RIMS1: variants seen among roughly 807,000 people sequenced by gnomAD.
RIMS1 encodes regulating synaptic membrane exocytosis protein 1.
RIMS1 carries 83 observed loss-of-function variants against 214.1 expected under a neutral mutation model. That is an observed-to-expected ratio of 0.39 (90% CI 0.32 to 0.47). The LOEUF is 0.47. Ranked by LOEUF, RIMS1 falls within the 20% of genes least tolerant of loss-of-function variation. The pLI is 0.99. For missense variants in RIMS1, 2,050 were observed against 2,161.8 expected (o/e 0.95, Z 1.03); for synonymous variants, 793 against 786.8 (o/e 1.01, Z -0.13).
At chr6:72,306,046 G>A (rs1314823218) in intron 26 of RIMS1, among the ~76,000 whole-genome samples, 1 of 151,992 alleles carries the variant, frequency 6.6e-6, no homozygotes, top group African/African-American at 2.4e-5. Context: ...TTATAATCAA[G>A]GATGATAGGC....
intron 29 of RIMS1, 47 bp from the exon 30 acceptor site, chr6:72,390,551 A>C (rs370593812): frequency 6.4e-7 from 1 of 1,552,946 alleles, no homozygotes; most frequent in African/African-American, 1.4e-5. Context: ...ATTCAGGAGT[A>C]AACTGTCTAA....
intron 29 of RIMS1, among the ~76,000 whole-genome samples, chr6:72,384,523 GA>G (rs2098551861): frequency 6.6e-6 from 1 of 152,014 alleles, no homozygotes; most frequent in African/African-American, 2.4e-5. Flanking sequence ...TACTTCTTCT[GA>G]TTTCTGTACC....
chr6:72,155,413 C>A (rs2044305537), intron 4 of RIMS1, among the ~76,000 whole-genome samples: 1 of 140,622 alleles, frequency 7.1e-6, no homozygotes, highest in African/African-American at 2.5e-5. Context: ...TCCTGTTACC[C>A]AGTTCCAAAG....
At chr6:72,171,347 C>T (rs1483941065) in intron 4 of RIMS1, among the ~76,000 whole-genome samples, 1 of 149,164 alleles carries the variant, frequency 6.7e-6, no homozygotes, top group African/African-American at 2.5e-5. Flanking sequence ...ATATATATTA[C>T]GTGTGTGTGT....
intron 1 of RIMS1, among the ~76,000 whole-genome samples, chr6:71,906,230 A>G (rs936681486): frequency 7.2e-5 from 11 of 152,172 alleles, no homozygotes; most frequent in African/African-American, 2.4e-4. Flanking sequence ...TTTAAGTCTA[A>G]TATGTGGGCC....
chr6:72,319,970 A>G (rs1023780656), intron 28 of RIMS1, among the ~76,000 whole-genome samples: 1 of 152,176 alleles, frequency 6.6e-6, no homozygotes, highest in Non-Finnish European at 1.5e-5. Context: ...CATACATGGT[A>G]TGAAGTATTA....
chr6:72,299,341 T>G (rs1324292119), intron 26 of RIMS1, among the ~76,000 whole-genome samples: 1 of 151,966 alleles, frequency 6.6e-6, no homozygotes, highest in Non-Finnish European at 1.5e-5. Context: ...CATAATAGTG[T>G]GTAATTTATA....
intron 2 of RIMS1, among the ~76,000 whole-genome samples, chr6:72,089,645 T>G (rs146874780): frequency 0.015 from 2,296 of 151,834 alleles, 60 homozygotes; most frequent in African/African-American, 0.051. Flanking sequence ...GAAATACCAT[T>G]TGACCCAGCC....
At position 72,233,756 on chromosome 6, in the gene RIMS1, CTT is replaced by C. The variant is rs1407525888; in HGVS notation, c.1679-13_1679-12del. The stretch of plus-strand genomic sequence containing the variant: ...CTTTAATACCATTACACTTTTCATT[CTT>C]TTTGTATTGCACAGGTGATTTGGAT... On this transcript the variant is annotated splice_polypyrimidine_tract_variant and intron_variant, in intron 6 of 33. Coordinates refer to ENST00000521978, the MANE Select transcript of RIMS1 (RefSeq NM_014989.7). 6.5e-7 allele frequency: 1 copy of C among 1,544,658 alleles called. No individual in the cohort carries two copies. The highest frequency in any genetic ancestry group is 1.9e-5 in the Admixed American group (1 of 52,096).
intron 27 of RIMS1, among the ~76,000 whole-genome samples, chr6:72,308,564 T>G (rs947889566): frequency 6.6e-6 from 1 of 152,134 alleles, no homozygotes; most frequent in African/African-American, 2.4e-5. Context: ...TTCCAGATAT[T>G]CTGTGACTAA....
rs181140733 is a variant in RIMS1 at position 72,222,683 on chromosome 6, A to G, written c.1679-11090A>G. 2.0e-5 allele frequency among the ~76,000 whole-genome samples: 3 copies of G among 152,274 alleles called. No individual in the cohort carries two copies. The East Asian group carries it at 5.8e-4, about 29-fold the overall frequency. ...ATTGCTATTTGTTTACATTGTTTTA[A>G]TTAAAGTTTATCTCATCAGAATTAT... On this transcript the variant is annotated intron_variant, in intron 6 of 33. Transcript: ENST00000521978.
chr6:72,213,368 T>G, intron 6 of RIMS1: 1 of 692,072 alleles, frequency 1.4e-6, no homozygotes, highest in Non-Finnish European at 2.2e-6. Flanking sequence ...TTGAATAAAG[T>G]TTCCAGTTAC....
At chr6:72,076,272 T>C (rs1195413010) in intron 2 of RIMS1, among the ~76,000 whole-genome samples, 1 of 152,216 alleles carries the variant, frequency 6.6e-6, no homozygotes, top group East Asian at 1.9e-4. Context: ...AGCTTAGGCT[T>C]CCATTACAAA....
chr6:72,385,537 G>T (rs1230725652), intron 29 of RIMS1, among the ~76,000 whole-genome samples: 1 of 152,138 alleles, frequency 6.6e-6, no homozygotes. Context: ...TTGTATAATG[G>T]AATGATTGCA....
chr6:72,334,874 C>G (rs1160785056), intron 29 of RIMS1, among the ~76,000 whole-genome samples: 4 of 151,872 alleles, frequency 2.6e-5, no homozygotes, highest in African/African-American at 4.8e-5. Flanking sequence ...TAGCTAGCAT[C>G]CCTGTGATAG....
intron 33 of RIMS1, among the ~76,000 whole-genome samples, chr6:72,400,276 A>G (rs1038491656): frequency 2.5e-4 from 38 of 152,158 alleles, no homozygotes; most frequent in African/African-American, 8.4e-4. Context: ...GGAACACACA[A>G]TCCTTCATTC....
chr6:71,892,003 C>T (rs1228777025), intron 1 of RIMS1, among the ~76,000 whole-genome samples: 1 of 152,074 alleles, frequency 6.6e-6, no homozygotes, highest in Non-Finnish European at 1.5e-5. Flanking sequence ...TTTAATTTGT[C>T]CTCATGGGCT....
At chr6:71,940,803 G>A (rs1230796150) in intron 1 of RIMS1, among the ~76,000 whole-genome samples, 1 of 152,078 alleles carries the variant, frequency 6.6e-6, no homozygotes, top group Non-Finnish European at 1.5e-5. Context: ...GGAGTTAGGG[G>A]CACTATCTTC....
rs375859915 is a variant in RIMS1, at chr6:72,237,801, T to G, written c.1858-22T>G. ...ATGTTTTAGTATGAGTCTTGGAAAC[T>G]TATAAATTTGTAATTATCCAGGTTG... On this transcript the variant is annotated intron_variant, in intron 8 of 33. Coordinates refer to ENST00000521978, the MANE Select transcript of RIMS1 (RefSeq NM_014989.7). 5.8e-6 allele frequency: 9 copies of G among 1,563,754 alleles called. No individual in the cohort carries two copies. The African/African-American group carries it at 9.5e-5, about 16-fold the overall frequency.
Sources: allele counts gnomAD v4.1 joint callset (sites outside exome capture counted in the v4.1 genomes callset), GRCh38; gene constraint gnomAD v4.1.1; transcripts MANE v1.5; gene names NCBI Gene and HGNC (gene_info 2026-07-23, HGNC 2026-07-21).